Variants in TGM6 observed in about 807,000 individuals in gnomAD.
TGM6 encodes transglutaminase 6.
TGM6 carries 74 observed loss-of-function variants against 77.5 expected under a neutral mutation model. That is an observed-to-expected ratio of 0.96 (90% CI 0.79 to 1.16). TGM6 has a LOEUF of 1.16. Among genes scored for constraint, TGM6 ranks in the 50% most tolerant of loss-of-function variants. The pLI, the probability that TGM6 is intolerant of heterozygous loss-of-function variation, is 0.00. For missense variants in TGM6, 968 were observed against 940.2 expected, an observed-to-expected ratio of 1.03 and a Z score of -0.39; for synonymous variants, 383 against 378.9, an observed-to-expected ratio of 1.01 and a Z score of -0.12.
At chr20:2,396,729 G>A (rs559809581) in intron 4 of TGM6, 105 bp downstream of exon 4, 2 of 1,047,220 alleles carry the variant, frequency 1.9e-6, no homozygotes, top group African/African-American at 1.6e-5. Context: ...GGACAAGGGG[G>A]GCTCACTCCT....
chr20:2,393,869 A>G (rs898809455), intron 1 of TGM6, among the ~76,000 whole-genome samples: 2 of 152,180 alleles, frequency 1.3e-5, no homozygotes, highest in Non-Finnish European at 2.9e-5. Flanking sequence ...TAATAAGGTT[A>G]TATACTGATC....
chr20:2,420,543 G>C (rs1248006622), intron 10 of TGM6, among the ~76,000 whole-genome samples: 1 of 152,114 alleles, frequency 6.6e-6, no homozygotes, highest in Non-Finnish European at 1.5e-5. Context: ...TATGGCTTTT[G>C]ACAAATGTAT....
intron 5 of TGM6, 21 bp downstream of exon 5, chr20:2,398,067 T>G: frequency 1.2e-6 from 2 of 1,614,130 alleles, no homozygotes; most frequent in Non-Finnish European, 1.7e-6. Flanking sequence ...CCTCCATCCC[T>G]GCACATGTAC....
intron 5 of TGM6, among the ~76,000 whole-genome samples, chr20:2,398,562 C>T (rs1013666888): frequency 6.6e-6 from 1 of 152,038 alleles, no homozygotes; most frequent in African/African-American, 2.4e-5. Flanking sequence ...GCAATGGCTC[C>T]CCACCCCCAC....
At chr20:2,397,376 C>T (rs1599949464) in intron 4 of TGM6, among the ~76,000 whole-genome samples, 1 of 152,246 alleles carries the variant, frequency 6.6e-6, no homozygotes, top group East Asian at 1.9e-4. Context: ...CACGCACTGC[C>T]CTGCAGGCCA....
At chr20:2,391,275 T>C (rs1042970546) in intron 1 of TGM6, among the ~76,000 whole-genome samples, 3 of 152,068 alleles carry the variant, frequency 2.0e-5, no homozygotes, top group Non-Finnish European at 4.4e-5. Context: ...GATTTTATTA[T>C]TGTTGTTTGT....
At chr20:2,427,328 C>T (rs1568671734) in intron 10 of TGM6, among the ~76,000 whole-genome samples, 1 of 152,054 alleles carries the variant, frequency 6.6e-6, no homozygotes, top group Admixed American at 6.5e-5. Context: ...TTTTTCCTAA[C>T]TCCCCAAACT....
intron 10 of TGM6, among the ~76,000 whole-genome samples, chr20:2,418,796 G>T (rs2084835490): frequency 6.6e-6 from 1 of 151,998 alleles, no homozygotes; most frequent in Non-Finnish European, 1.5e-5. Flanking sequence ...ATATATTGAG[G>T]CCGGGCGCGG....
intron 1 of TGM6, among the ~76,000 whole-genome samples, chr20:2,389,324 T>C (rs1425457415): frequency 2.0e-5 from 3 of 152,132 alleles, no homozygotes; most frequent in African/African-American, 7.2e-5. Flanking sequence ...CCAGCCTCAG[T>C]CAAGCCTTCA....
intron 10 of TGM6, among the ~76,000 whole-genome samples, chr20:2,428,222 T>C (rs960734144): frequency 6.6e-6 from 1 of 152,216 alleles, no homozygotes; most frequent in Non-Finnish European, 1.5e-5. Flanking sequence ...TTGGATGAAA[T>C]ATTCTGCAGA....
chr20:2,406,392 C>T (rs1375989317), intron 9 of TGM6, among the ~76,000 whole-genome samples: 1 of 151,572 alleles, frequency 6.6e-6, no homozygotes, highest in Non-Finnish European at 1.5e-5. Flanking sequence ...ACTCAGGAGG[C>T]TCCAGTGGGA....
chr20:2,415,295 C>A (rs1305624599), intron 9 of TGM6, among the ~76,000 whole-genome samples: 1 of 152,106 alleles, frequency 6.6e-6, no homozygotes, highest in Non-Finnish European at 1.5e-5. Context: ...AGGGTACCTT[C>A]AGGGGAGAGT....
chr20:2,420,267 G>C (rs1386183281), intron 10 of TGM6, among the ~76,000 whole-genome samples: 1 of 151,812 alleles, frequency 6.6e-6, no homozygotes, highest in African/African-American at 2.4e-5. Flanking sequence ...AAAAAAAAAA[G>C]TGAAATTCTT....
intron 9 of TGM6, among the ~76,000 whole-genome samples, chr20:2,413,383 T>C (rs2084796047): frequency 6.6e-6 from 1 of 152,212 alleles, no homozygotes; most frequent in Non-Finnish European, 1.5e-5. Context: ...TACTCCACCC[T>C]GGGTGACAGA....
intron 7 of TGM6, among the ~76,000 whole-genome samples, chr20:2,402,485 C>T (rs2084717964): frequency 1.3e-5 from 2 of 152,178 alleles, no homozygotes; most frequent in Admixed American, 6.5e-5. Flanking sequence ...TTTCTTCATG[C>T]AGAAAGCACA....
chr20:2,403,514 G>T lies in TGM6; in HGVS notation c.1093+14G>T. 6.2e-7 allele frequency: 1 copy of T among 1,614,120 alleles called. No individual in the cohort carries two copies. On this transcript the variant is annotated intron_variant, in intron 8 of 12. Transcript: ENST00000202625. ...AGGAGAGTGAAGGTACGCTCAATTG[G>T]GTGGGGTAAGTTCCAGACCCCTGCT...
intron 1 of TGM6, among the ~76,000 whole-genome samples, chr20:2,386,868 C>A (rs1325855701): frequency 1.3e-5 from 2 of 152,094 alleles, no homozygotes; most frequent in African/African-American, 4.8e-5. Context: ...GTCCAGCAGC[C>A]CTCATCCAAT....
chr20:2,417,446 G>C lies in TGM6; in HGVS notation c.1551G>C (p.Leu517Phe), dbSNP rs139787416. ...LGHDLRLALC[L>F]ANLTSRAQRV... ...ACGACCTGAGACTGGCCCTGTGCTT[G>C]GCCAACCTCACCTCCCGGGCCCAGC... The change falls in exon 10 of 13, where the codon TTG becomes TTC. Residue 517 changes from leucine to phenylalanine, a missense_variant. Transcript: ENST00000202625. 1.5e-5 allele frequency: 24 copies of C among 1,612,038 alleles called. No homozygotes were observed. Among genetic ancestry groups the C allele is most frequent in the Non-Finnish European group, 1.9e-5 (22 of 1,179,994 alleles).
chr20:2,419,328 G>C (rs1357311446), intron 10 of TGM6, among the ~76,000 whole-genome samples: 2 of 152,148 alleles, frequency 1.3e-5, no homozygotes, highest in African/African-American at 4.8e-5. Flanking sequence ...GCCAGTTTCT[G>C]GTAAGTGAAG....
Sources: allele counts gnomAD v4.1 joint callset (sites outside exome capture counted in the v4.1 genomes callset), GRCh38; gene constraint gnomAD v4.1.1; transcripts MANE v1.5; gene names NCBI Gene and HGNC (gene_info 2026-07-23, HGNC 2026-07-21).